PRDM5: variants seen among roughly 807,000 people sequenced by gnomAD.
PRDM5 encodes the protein PR domain zinc finger protein 5.
A neutral mutation model predicts 81.2 loss-of-function variants in PRDM5; 56 were observed. That is an observed-to-expected ratio of 0.69 (90% CI 0.56 to 0.86). The LOEUF (loss-of-function observed/expected upper bound fraction) is 0.86, where lower values mean the gene tolerates loss of function less well. Among genes scored for constraint, PRDM5 ranks in the 40% least tolerant of loss-of-function variants. The pLI, the probability that PRDM5 is intolerant of heterozygous loss-of-function variation, is 0.00. For missense variants in PRDM5, 697 were observed against 770.1 expected, an observed-to-expected ratio of 0.91 and a Z score of 1.12; for synonymous variants, 267 against 256.4, an observed-to-expected ratio of 1.04 and a Z score of -0.39.
chr4:120,873,256 G>A (rs1177637024), intron 2 of PRDM5, among the ~76,000 whole-genome samples: 3 of 151,956 alleles, frequency 2.0e-5, no homozygotes, highest in Admixed American at 6.6e-5. Flanking sequence ...TACCCATCTC[G>A]GCCTCCCAAA....
intron 8 of PRDM5, among the ~76,000 whole-genome samples, chr4:120,802,097 T>C (rs1752191875): frequency 1.3e-5 from 2 of 152,192 alleles, no homozygotes; most frequent in African/African-American, 4.8e-5. Flanking sequence ...ACTTGTTAAT[T>C]CTCATGGCTT....
intron 13 of PRDM5, 81 bp from the exon 14 acceptor site, chr4:120,754,719 G>T: frequency 1.0e-6 from 1 of 985,180 alleles, no homozygotes; most frequent in Non-Finnish European, 1.6e-6. Context: ...CACACACTCA[G>T]ATCCTGGCCA....
chr4:120,806,607 C>T (rs1171433712), intron 8 of PRDM5, among the ~76,000 whole-genome samples: 1 of 152,108 alleles, frequency 6.6e-6, no homozygotes, highest in African/African-American at 2.4e-5. Context: ...GAAAGGATTC[C>T]CTATTTAATA....
chr4:120,707,544 A>G (rs1264291218), intron 15 of PRDM5, among the ~76,000 whole-genome samples: 1 of 151,956 alleles, frequency 6.6e-6, no homozygotes, highest in Non-Finnish European at 1.5e-5. Flanking sequence ...AGCTAAAACT[A>G]TAAGACTCTT....
intron 13 of PRDM5, among the ~76,000 whole-genome samples, chr4:120,759,669 T>C (rs1455379712): frequency 1.3e-5 from 2 of 152,238 alleles, no homozygotes; most frequent in African/African-American, 2.4e-5. Context: ...TCTTCAGTTT[T>C]AGTCAACTCT....
At chr4:120,852,213 G>C (rs1195597867) in intron 3 of PRDM5, among the ~76,000 whole-genome samples, 1 of 152,116 alleles carries the variant, frequency 6.6e-6, no homozygotes, top group Non-Finnish European at 1.5e-5. Flanking sequence ...TAGGATACAG[G>C]GAAATGGAAT....
chr4:120,792,991 T>C (rs1750803337), intron 10 of PRDM5, among the ~76,000 whole-genome samples: 1 of 151,988 alleles, frequency 6.6e-6, no homozygotes, highest in Non-Finnish European at 1.5e-5. Context: ...ATAAGTAAGT[T>C]CTAGAGATGT....
At chr4:120,726,743 T>A (rs984510513) in intron 14 of PRDM5, among the ~76,000 whole-genome samples, 2 of 152,066 alleles carry the variant, frequency 1.3e-5, no homozygotes, top group Non-Finnish European at 2.9e-5. Context: ...CAGGCAGGGA[T>A]GAAAGAAGAT....
chr4:120,725,054 C>T (rs1286786543), intron 14 of PRDM5, among the ~76,000 whole-genome samples: 2 of 152,066 alleles, frequency 1.3e-5, no homozygotes, highest in Non-Finnish European at 2.9e-5. Flanking sequence ...TTTTAGTTTG[C>T]TCAAAAGTCA....
At chr4:120,921,010 C>T (rs1351839406) in intron 1 of PRDM5, among the ~76,000 whole-genome samples, 3 of 152,072 alleles carry the variant, frequency 2.0e-5, no homozygotes, top group Admixed American at 2.0e-4. Flanking sequence ...TTCTAAAAAT[C>T]TATATGGTAA....
At chr4:120,788,124 C>A (rs986784708) in intron 10 of PRDM5, among the ~76,000 whole-genome samples, 3 of 152,044 alleles carry the variant, frequency 2.0e-5, no homozygotes, top group African/African-American at 7.2e-5. Flanking sequence ...CTAACCAATT[C>A]CCTTTACAGA....
intron 14 of PRDM5, among the ~76,000 whole-genome samples, chr4:120,728,227 C>A (rs965556192): frequency 2.0e-5 from 3 of 151,956 alleles, no homozygotes; most frequent in African/African-American, 7.3e-5. Flanking sequence ...AAGCAATCAG[C>A]ACCATCATAA....
At chr4:120,832,043 T>C (rs937754527) in intron 3 of PRDM5, among the ~76,000 whole-genome samples, 1 of 152,136 alleles carries the variant, frequency 6.6e-6, no homozygotes, top group African/African-American at 2.4e-5. Context: ...TGTATTTATT[T>C]AGCTGAATCC....
At chr4:120,901,781 G>C (rs112851006) in intron 2 of PRDM5, among the ~76,000 whole-genome samples, 39 of 152,256 alleles carry the variant, frequency 2.6e-4, no homozygotes, top group African/African-American at 9.4e-4. Flanking sequence ...TGGTTCTTTA[G>C]GATTCTGCAC....
At chr4:120,878,235 T>C (rs1283261672) in intron 2 of PRDM5, among the ~76,000 whole-genome samples, 7 of 152,152 alleles carry the variant, frequency 4.6e-5, no homozygotes, top group Non-Finnish European at 8.8e-5. Flanking sequence ...GATTAAAAAG[T>C]ACTCTGTAGA....
At chr4:120,897,039 T>C (rs974222998) in intron 2 of PRDM5, 1 of 151,754 alleles carries the variant, frequency 6.6e-6, no homozygotes, top group African/African-American at 2.4e-5. Context: ...GTAGCAAAGT[T>C]TTCCTCTGGG....
chr4:120,833,833 T>G (rs192527189), intron 3 of PRDM5, among the ~76,000 whole-genome samples: 98 of 152,244 alleles, frequency 6.4e-4, no homozygotes, highest in African/African-American at 2.0e-3. Context: ...CCAAGATAGT[T>G]GTACAGAGAA....
At position 120,802,176 on chromosome 4, in the gene PRDM5, T is replaced by C. The variant is rs59371879; in HGVS notation, c.946-2431A>G. Among the ~76,000 whole-genome samples the C allele has an allele frequency of 2.3e-3, 356 of 152,340 alleles. 1 individual carries two copies. Among genetic ancestry groups the C allele is most frequent in the African/African-American group, 8.0e-3 (331 of 41,576 alleles). ...AAAACTATAAAGGGAACATCGACTA[T>C]ATATTTAAGCATTTGTGCATTGACT... On this transcript the variant is annotated intron_variant, in intron 8 of 15. Coordinates refer to ENST00000264808, the MANE Select transcript of PRDM5 (RefSeq NM_018699.4).
chr4:120,727,890 C>T (rs572783195), intron 14 of PRDM5, among the ~76,000 whole-genome samples: 4 of 150,432 alleles, frequency 2.7e-5, no homozygotes, highest in Non-Finnish European at 5.9e-5. Context: ...GAGCCAAGAT[C>T]ACGCCACTGC....
Sources: allele counts gnomAD v4.1 joint callset (sites outside exome capture counted in the v4.1 genomes callset), GRCh38; gene constraint gnomAD v4.1.1; transcripts MANE v1.5; gene names NCBI Gene and HGNC (gene_info 2026-07-23, HGNC 2026-07-21).